PCBP4: variants seen among roughly 807,000 people sequenced by gnomAD.
PCBP4 encodes the protein poly(rC)-binding protein 4.
PCBP4 carries 24 observed loss-of-function variants against 46.2 expected under a neutral mutation model. That is an observed-to-expected ratio of 0.52 (90% CI 0.38 to 0.73). The LOEUF is 0.73. Among genes scored for constraint, PCBP4 ranks in the 30% least tolerant of loss-of-function variants. PCBP4 has a pLI of 0.00. For missense variants in PCBP4, 407 were observed against 537.0 expected, an observed-to-expected ratio of 0.76 and a Z score of 2.39; for synonymous variants, 203 against 224.4, an observed-to-expected ratio of 0.90 and a Z score of 0.85.
intron 1 of PCBP4, among the ~76,000 whole-genome samples, chr3:51,962,625 C>T (rs569817960): frequency 9.9e-5 from 15 of 152,148 alleles, no homozygotes; most frequent in Admixed American, 2.6e-4. Flanking sequence ...TGGGCGCCTT[C>T]CTCCTCAGCC....
intron 2 of PCBP4, 113 bp from the exon 3 acceptor site, chr3:51,961,417 A>C (rs1700174098): frequency 1.6e-6 from 2 of 1,226,976 alleles, no homozygotes; most frequent in Non-Finnish European, 2.2e-6. Context: ...AAGAGACTGC[A>C]TGGACCTTGA....
Position 51,958,750 on chromosome 3 carries a change from C to A in PCBP4, c.923+40G>T. On this transcript the variant is annotated intron_variant, in intron 13 of 13. Coordinates refer to ENST00000461554, the MANE Select transcript of PCBP4 (RefSeq NM_001174100.2). The surrounding 1 kb of genome is among the most constrained non-coding windows in gnomAD (Gnocchi z 5.4). ...CCTGCCTTTCTTGGGCACATGAGAA[C>A]CGTGACCTGCTCCCCCACTGCCGCC... 6.3e-7 allele frequency: 1 copy of A among 1,589,008 alleles called. No individual in the cohort carries two copies. The highest frequency in any genetic ancestry group is 1.1e-5 in the South Asian group (1 of 88,868).
chr3:51,959,099 C>T lies in PCBP4; in HGVS notation c.701G>A (p.Gly234Glu). The stretch of plus-strand genomic sequence containing the variant: ...GCTGGTCTGTGTGCCGGGATCCAGT[C>T]CTGAGGGGGAGAAGAGGGACTGAGT... ...VPFATPSVVP[G>E]LDPGTQTSSQ... Residue 234 changes from glycine to glutamate, a missense_variant and splice_region_variant, in exon 12 of 14, where the codon GGA becomes GAA. By Grantham distance (98) the Gly-to-Glu change is moderately conservative (BLOSUM62 -2). Transcript: ENST00000461554. The surrounding 1 kb of genome is among the most constrained non-coding windows in gnomAD (Gnocchi z 5.6). 6.2e-7 allele frequency: 1 copy of T among 1,613,868 alleles called. No homozygotes were observed. The highest frequency in any genetic ancestry group is 8.5e-7 in the Non-Finnish European group (1 of 1,179,916).
rs201859394 is a variant in PCBP4 at position 51,958,783 on chromosome 3, C to T, written c.923+7G>A. ...TGCTCCCCCACTGCCGCCCAGCCCG[C>T]GCTCACCAGGCAGTGATGAGGTACT... On this transcript the variant is annotated splice_region_variant and intron_variant, in intron 13 of 13. Coordinates refer to ENST00000461554, the MANE Select transcript of PCBP4 (RefSeq NM_001174100.2). The surrounding 1 kb of genome is among the most constrained non-coding windows in gnomAD (Gnocchi z 5.4). 1,142 of 1,608,422 alleles carry T rather than the reference C, an allele frequency of 7.1e-4. 6 individuals carry two copies. The Middle Eastern group carries it at 8.4e-3, about 12-fold the overall frequency.
At chr3:51,962,584 T>G (rs1272754270) in intron 1 of PCBP4, among the ~76,000 whole-genome samples, 2 of 151,936 alleles carry the variant, frequency 1.3e-5, no homozygotes, top group Non-Finnish European at 2.9e-5. Flanking sequence ...GAAGGATGAG[T>G]GTGCTGAGCT....
rs747271420 is a variant in PCBP4 at position 51,958,154 on chromosome 3, T to A, written c.1119A>T (p.Pro373=). 1 of 1,612,986 alleles carries A rather than the reference T, an allele frequency of 6.2e-7. No individual in the cohort carries two copies. Among genetic ancestry groups the A allele is most frequent in the Non-Finnish European group, 8.5e-7 (1 of 1,179,520 alleles). ...MPFLALPPAS[P]GPPPGLAAYT... Reference sequence around the variant, plus strand: ...AGGCCGCCAAGCCCGGCGGCGGCCCTGGGGAAGCAGGTGGTAAAGCCAAGA... The same window carrying A: ...AGGCCGCCAAGCCCGGCGGCGGCCCAGGGGAAGCAGGTGGTAAAGCCAAGA... Residue 373 remains proline, a synonymous_variant, in exon 14 of 14, where the codon CCA becomes CCT. Coordinates refer to ENST00000461554, the MANE Select transcript of PCBP4 (RefSeq NM_001174100.2). The surrounding 1 kb of genome is among the most constrained non-coding windows in gnomAD (Gnocchi z 5.4).
Position 51,959,232 on chromosome 3 carries a change from G to T in PCBP4, c.697C>A (p.Pro233Thr). 1 of 1,613,974 alleles carries T rather than the reference G, an allele frequency of 6.2e-7. No homozygotes were observed. Among genetic ancestry groups the T allele is most frequent in the South Asian group, 1.1e-5 (1 of 91,082 alleles). The stretch of plus-strand genomic sequence containing the variant: ...TCCTTGTGCAGGGGTGGCTTACCTG[G>T]CACCACGCTGGGTGTGGCAAAGGGG... Reference protein sequence around the residue: ...AVPFATPSVVPGLDPGTQTSS... With the variant: ...AVPFATPSVVTGLDPGTQTSS... Residue 233 changes from proline (P) to threonine (T), a missense_variant, in exon 11 of 14, where the codon CCA becomes ACA. Pro to Thr is a conservative substitution (Grantham distance 38). Transcript: ENST00000461554. The surrounding 1 kb of genome is among the most constrained non-coding windows in gnomAD (Gnocchi z 5.6).
At chr3:51,966,906 T>C (rs947708054) in intron 1 of PCBP4, among the ~76,000 whole-genome samples, 2 of 149,536 alleles carry the variant, frequency 1.3e-5, no homozygotes, top group African/African-American at 2.4e-5. Flanking sequence ...GTCATCTCCA[T>C]ACACCCCTGG....
intron 2 of PCBP4, 197 bp downstream of exon 2, chr3:51,961,744 C>A: frequency 2.0e-6 from 2 of 992,830 alleles, no homozygotes; most frequent in South Asian, 4.6e-5. Context: ...AGGCTGAAAG[C>A]TTACTCCATA....
Position 51,961,427 on chromosome 3 carries a change from A to G in PCBP4, c.-64-123T>C, listed in dbSNP as rs561514911. 4.5e-6 allele frequency: 5 copies of G among 1,122,396 alleles called. No homozygotes were observed. The South Asian group carries it at 4.8e-5, about 11-fold the overall frequency. The allele number at this position is 1,122,396 out of a possible 1,614,324, so 69.5% of individuals were successfully genotyped here. A position where few individuals can be genotyped will look rare whatever the true frequency, so the allele number is the denominator to read the frequency against. On this transcript the variant is annotated intron_variant, in intron 2 of 13. Coordinates refer to ENST00000461554, the MANE Select transcript of PCBP4 (RefSeq NM_001174100.2). ...GAGGAAAGAGACTGCATGGACCTTG[A>G]GCGCCACACATCACTCTGACCAGGG...
In PCBP4 at chr3:51,960,498, T is replaced by C; in HGVS notation, c.255+28A>G. The C allele has an allele frequency of 1.3e-6, 2 of 1,590,684 alleles. No homozygotes were observed. Among genetic ancestry groups the C allele is most frequent in the Non-Finnish European group, 1.7e-6 (2 of 1,158,812 alleles). On this transcript the variant is annotated intron_variant, in intron 6 of 13. Transcript: ENST00000461554. This position sits in a 1 kb window ranked among gnomAD's most constrained non-coding sequence, Gnocchi z 5.0. ...TGGGTTCCTCCTGGGGAACCACTCTTGGCGTCCTGCCCTGGCCAGCCACGG... is the reference window on the plus strand; with the variant it reads ...TGGGTTCCTCCTGGGGAACCACTCTCGGCGTCCTGCCCTGGCCAGCCACGG...
rs1394778873 is a variant in PCBP4, at chr3:51,960,792, C to T, written c.138+74G>A. ...ACTGGTCAGCCCAGAAGGAGTGGTT[C>T]AGAGAGAAAGTGGGGCAGGGATCTC... On this transcript the variant is annotated intron_variant, in intron 5 of 13. Coordinates refer to ENST00000461554, the MANE Select transcript of PCBP4 (RefSeq NM_001174100.2). The surrounding 1 kb of genome is among the most constrained non-coding windows in gnomAD (Gnocchi z 5.0). 1.3e-6 allele frequency: 2 copies of T among 1,560,564 alleles called. No homozygotes were observed. The highest frequency in any genetic ancestry group is 1.4e-5 in the African/African-American group (1 of 73,664).
rs772759634 is a variant in PCBP4, at chr3:51,958,362, A to T, written c.924-13T>A. On this transcript the variant is annotated splice_polypyrimidine_tract_variant and intron_variant, in intron 13 of 13. Transcript: ENST00000461554. This position sits in a 1 kb window ranked among gnomAD's most constrained non-coding sequence, Gnocchi z 5.4. ...GGCCGTCTCTAGACTGGAGAGAGGG[A>T]TATAGAGGGGAGACAAAGGGGAAAG... is the stretch of plus-strand genomic sequence containing the variant. The T allele has an allele frequency of 4.8e-6, 7 of 1,468,272 alleles. No individual in the cohort carries two copies. Among genetic ancestry groups the T allele is most frequent in the Non-Finnish European group, 5.4e-6 (6 of 1,109,672 alleles). 91.0% of individuals were successfully genotyped at this position (1,468,272 alleles called of 1,614,324 possible).
At chr3:51,961,054 G>GTCA in intron 3 of PCBP4, 21 bp from the exon 4 acceptor site, 1 of 1,614,170 alleles carries the variant, frequency 6.2e-7, no homozygotes, top group Non-Finnish European at 8.5e-7. Context: ...GACAAGAGCC[G>GTCA]TCAGATGGGT....
chr3:51,958,771 C>T lies in PCBP4; in HGVS notation c.923+19G>A, dbSNP rs1235562007. 6.2e-7 allele frequency: 1 copy of T among 1,601,200 alleles called. No individual in the cohort carries two copies. Among genetic ancestry groups the T allele is most frequent in the East Asian group, 2.2e-5 (1 of 44,540 alleles). On this transcript the variant is annotated intron_variant, in intron 13 of 13. Transcript: ENST00000461554. This position sits in a 1 kb window ranked among gnomAD's most constrained non-coding sequence, Gnocchi z 5.4. ...AGAACCGTGACCTGCTCCCCCACTG[C>T]CGCCCAGCCCGCGCTCACCAGGCAG...
chr3:51,958,262 G>A lies in PCBP4; in HGVS notation c.1011C>T (p.Ala337=). The A allele has an allele frequency of 6.3e-7, 1 of 1,588,750 alleles. No homozygotes were observed. Among genetic ancestry groups the A allele is most frequent in the Non-Finnish European group, 8.6e-7 (1 of 1,168,774 alleles). Residue 337 remains alanine, a synonymous_variant, in exon 14 of 14, where the codon GCC becomes GCT. Coordinates refer to ENST00000461554, the MANE Select transcript of PCBP4 (RefSeq NM_001174100.2). This position sits in a 1 kb window ranked among gnomAD's most constrained non-coding sequence, Gnocchi z 5.4. ...GCAGGCCAGGGGGAGCTGTGGGCAG[G>A]GCCGTCAGGGGTGGCGAGAAGGGGG... ...LPAPFSPPLT[A]LPTAPPGLLG... is the part of the protein sequence containing the mutation.
Position 51,960,886 on chromosome 3 carries a change from C to G in PCBP4, c.118G>C (p.Val40Leu), listed in dbSNP as rs768808518. Reference protein sequence around the residue: ...GSIIGKKGETVKRIREQSSAR... With the variant: ...GSIIGKKGETLKRIREQSSAR... The stretch of plus-strand genomic sequence containing the variant: ...CTCACCTGCTCCCGGATTCGCTTTA[C>G]AGTCTCGCCCTTCTGTGGGAGGTAC... Residue 40 changes from valine (V) to leucine (L), a missense_variant, in exon 5 of 14, where the codon GTA becomes CTA. Coordinates refer to ENST00000461554, the MANE Select transcript of PCBP4 (RefSeq NM_001174100.2). This position sits in a 1 kb window ranked among gnomAD's most constrained non-coding sequence, Gnocchi z 5.0. 5 of 1,612,796 alleles carry G rather than the reference C, an allele frequency of 3.1e-6. No homozygotes were observed. The highest frequency in any genetic ancestry group is 4.2e-6 in the Non-Finnish European group (5 of 1,180,030).
rs199966516 is a variant in PCBP4, at chr3:51,960,559, A to G, written c.222T>C (p.His74=). 9 of 1,614,132 alleles carry G rather than the reference A, an allele frequency of 5.6e-6. No individual in the cohort carries two copies. The highest frequency in any genetic ancestry group is 1.7e-5 in the Admixed American group (1 of 60,030). Residue 74 remains histidine, a synonymous_variant, in exon 6 of 14, where the codon CAT becomes CAC. Transcript: ENST00000461554. This position sits in a 1 kb window ranked among gnomAD's most constrained non-coding sequence, Gnocchi z 5.0. ...TITGSTAAVF[H]AVSMIAFKLD... is the part of the protein sequence containing the mutation. Reference sequence around the variant, plus strand: ...GTTTGAAAGCAATCATGGAGACTGCATGGAAGACAGCTGCTGTAGACCCGG... The same window carrying G: ...GTTTGAAAGCAATCATGGAGACTGCGTGGAAGACAGCTGCTGTAGACCCGG...
chr3:51,957,822 A>T lies in PCBP4; in HGVS notation c.*239T>A. 1 of 388,378 alleles carries T rather than the reference A, an allele frequency of 2.6e-6. No homozygotes were observed. Among genetic ancestry groups the T allele is most frequent in the Non-Finnish European group, 4.6e-6 (1 of 215,892 alleles). 24.1% of individuals were successfully genotyped at this position (388,378 alleles called of 1,614,324 possible). On this transcript the variant is annotated 3_prime_UTR_variant, in exon 14 of 14. Transcript: ENST00000461554. ...GGCTGCTCCCTGTATCCAAGCACAG[A>T]GCTGAGGAGGTAGGGCCCCCTGCCC... is the stretch of plus-strand genomic sequence containing the variant.
Sources: gnomAD v4.1 joint callset for allele counts (sites outside exome capture counted in the v4.1 genomes callset) on GRCh38, gnomAD v4.1.1 for gene constraint, Gnocchi (gnomAD v3.1) non-coding constraint, MANE v1.5 for transcripts, NCBI Gene and HGNC (gene_info 2026-07-23, HGNC 2026-07-21) for gene names.